The following ANKRD22 variants were observed in gnomAD, a reference collection of about 807,000 sequenced individuals.
ANKRD22 encodes the protein ankyrin repeat domain-containing protein 22.
Under a neutral mutation model 25.7 loss-of-function variants are expected in ANKRD22, and 24 were observed. The observed-to-expected ratio is 0.93, with a 90% confidence interval of 0.68 to 1.31. The LOEUF (loss-of-function observed/expected upper bound fraction) is 1.31. ANKRD22 is among the 50% of genes most tolerant of loss of function. The pLI, the probability that ANKRD22 is intolerant of heterozygous loss-of-function variation, is 0.00. For missense variants in ANKRD22, 214 were observed against 227.1 expected (o/e 0.94, Z 0.37); for synonymous variants, 84 against 84.3 (o/e 1.00, Z 0.02).
At position 88,843,557 on chromosome 10, in the gene ANKRD22, C is replaced by A. The variant is rs150317256; in HGVS notation, c.21+8030G>T. 6.1e-3 allele frequency among the ~76,000 whole-genome samples: 931 copies of A among 152,146 alleles called. 10 individuals carry two copies. Among genetic ancestry groups the A allele is most frequent in the African/African-American group, 0.021 (859 of 41,518 alleles). ...TGTTTACTTTAGTGGCACCAATTAG[C>A]TAAAAAAGGGTGTGGACTTTAGGGT... is the stretch of plus-strand genomic sequence containing the variant. On this transcript the variant is annotated intron_variant, in intron 1 of 5. Coordinates refer to ENST00000371930, the MANE Select transcript of ANKRD22 (RefSeq NM_144590.3).
intron 1 of ANKRD22, among the ~76,000 whole-genome samples, chr10:88,835,130 T>C (rs182803970): frequency 3.9e-4 from 60 of 152,238 alleles, no homozygotes; most frequent in African/African-American, 1.4e-3. Flanking sequence ...AGGAGCTCTC[T>C]GCTTAGGCTT....
chr10:88,846,998 C>G (rs1440158924), intron 1 of ANKRD22, among the ~76,000 whole-genome samples: 1 of 152,134 alleles, frequency 6.6e-6, no homozygotes, highest in Non-Finnish European at 1.5e-5. Flanking sequence ...TGCCAAAGAA[C>G]TACGCATATT....
At chr10:88,850,543 G>T (rs563259798) in intron 1 of ANKRD22, among the ~76,000 whole-genome samples, 1 of 152,140 alleles carries the variant, frequency 6.6e-6, no homozygotes, top group Non-Finnish European at 1.5e-5. Context: ...ACCATAGACT[G>T]AGTGAAACAG....
chr10:88,823,767 G>T (rs533785922), intron 4 of ANKRD22, among the ~76,000 whole-genome samples: 60 of 143,148 alleles, frequency 4.2e-4, no homozygotes, highest in Middle Eastern at 3.8e-3. Flanking sequence ...GGCGGAGCTT[G>T]CAGTGAGCCG....
chr10:88,832,201 G>A (rs1843911010), intron 1 of ANKRD22, among the ~76,000 whole-genome samples, 175 bp from the exon 2 acceptor site: 1 of 152,100 alleles, frequency 6.6e-6, no homozygotes, highest in Non-Finnish European at 1.5e-5. Flanking sequence ...TCTAGATCAA[G>A]AATTAGCCCA....
intron 1 of ANKRD22, among the ~76,000 whole-genome samples, chr10:88,839,177 C>A (rs914476313): frequency 1.3e-5 from 2 of 152,146 alleles, no homozygotes; most frequent in African/African-American, 4.8e-5. Context: ...TAGGCCAGAT[C>A]AAGTATCAGC....
intron 3 of ANKRD22, among the ~76,000 whole-genome samples, chr10:88,826,370 AACCT>A (rs1843856341): frequency 6.6e-6 from 1 of 152,108 alleles, no homozygotes; most frequent in Admixed American, 6.5e-5. Flanking sequence ...TCCCACCCCA[AACCT>A]ACCTAATTCC....
At chr10:88,829,389 TG>T in intron 2 of ANKRD22, among the ~76,000 whole-genome samples, 1 of 152,352 alleles carries the variant, frequency 6.6e-6, no homozygotes, top group Non-Finnish European at 1.5e-5. Context: ...GAACACTTTT[TG>T]TTTTTCTAAT....
intron 4 of ANKRD22, among the ~76,000 whole-genome samples, chr10:88,824,140 A>G (rs551143007): frequency 6.6e-6 from 1 of 152,324 alleles, no homozygotes; most frequent in Non-Finnish European, 1.5e-5. Context: ...CACCTGCAAG[A>G]TCAGTGCAGT....
chr10:88,829,468 A>T (rs1471553900), intron 2 of ANKRD22, among the ~76,000 whole-genome samples: 1 of 152,238 alleles, frequency 6.6e-6, no homozygotes, highest in Non-Finnish European at 1.5e-5. Flanking sequence ...ATAGAATTTT[A>T]AATTGCCCAT....
At chr10:88,823,953 G>A (rs1843829857) in intron 4 of ANKRD22, among the ~76,000 whole-genome samples, 1 of 152,096 alleles carries the variant, frequency 6.6e-6, no homozygotes, top group African/African-American at 2.4e-5. Context: ...TAAAAAAGCT[G>A]ATGCTGAATT....
Position 88,823,017 on chromosome 10 carries a change from T to C in ANKRD22, c.500A>G (p.His167Arg), listed in dbSNP as rs750765704. The C allele has an allele frequency of 6.2e-7, 1 of 1,612,704 alleles. No homozygotes were observed. Among genetic ancestry groups the C allele is most frequent in the Non-Finnish European group, 8.5e-7 (1 of 1,178,898 alleles). The part of the protein sequence containing the change: ...ARADPTIKNK[H>R]GESSLDIARR... ...TGCAATATCCAGTGAGCTCTCACCA[T>C]GCTGAGGGGGGAAAAATATACAGTT... The change falls in exon 6 of 6, where the codon CAT becomes CGT. Residue 167 changes from histidine to arginine, a missense_variant and splice_region_variant. Coordinates refer to ENST00000371930, the MANE Select transcript of ANKRD22 (RefSeq NM_144590.3).
At chr10:88,849,868 T>C (rs554326358) in intron 1 of ANKRD22, among the ~76,000 whole-genome samples, 91 of 152,256 alleles carry the variant, frequency 6.0e-4, no homozygotes, top group African/African-American at 2.2e-3. Flanking sequence ...GGACCAGCTC[T>C]CTGGGATCCT....
rs1338288401 is a variant in ANKRD22, at chr10:88,821,674, G to A, written c.*1267C>T. Among the ~76,000 whole-genome samples, 9 of 152,178 alleles carry A rather than the reference G, an allele frequency of 5.9e-5. No individual in the cohort carries two copies. On this transcript the variant is annotated 3_prime_UTR_variant, in exon 6 of 6. Transcript: ENST00000371930. Reference sequence around the variant, plus strand: ...AGTTTCTTAAATCCTGTACACAGTTGAATATATATTGCTGGATTTGATTTT... The same window carrying A: ...AGTTTCTTAAATCCTGTACACAGTTAAATATATATTGCTGGATTTGATTTT...
At chr10:88,838,272 G>GTACA (rs1380211525) in intron 1 of ANKRD22, among the ~76,000 whole-genome samples, 1 of 152,174 alleles carries the variant, frequency 6.6e-6, no homozygotes, top group African/African-American at 2.4e-5. Context: ...TGAGGGAAGA[G>GTACA]TACAGAAAGT....
chr10:88,849,785 C>T (rs759303820), intron 1 of ANKRD22, among the ~76,000 whole-genome samples: 17 of 152,074 alleles, frequency 1.1e-4, no homozygotes, highest in Non-Finnish European at 1.8e-4. Flanking sequence ...GTCCATCTTA[C>T]GCAGTTGGAG....
At chr10:88,826,832 T>A (rs2133070578) in intron 3 of ANKRD22, among the ~76,000 whole-genome samples, 1 of 152,294 alleles carries the variant, frequency 6.6e-6, no homozygotes, top group East Asian at 1.9e-4. Flanking sequence ...ATTTGATTAA[T>A]GACTCTCCCC....
intron 1 of ANKRD22, among the ~76,000 whole-genome samples, chr10:88,847,695 C>T (rs1844062761): frequency 6.6e-6 from 1 of 151,664 alleles, no homozygotes; most frequent in Admixed American, 6.6e-5. Flanking sequence ...TAAGTATCTG[C>T]AGACCTTTTT....
At chr10:88,824,314 C>T (rs1843833154) in intron 4 of ANKRD22, among the ~76,000 whole-genome samples, 1 of 152,192 alleles carries the variant, frequency 6.6e-6, no homozygotes, top group African/African-American at 2.4e-5. Flanking sequence ...AGCCAAGCAA[C>T]CATGGTGCTG....
Sources: gnomAD v4.1 joint callset for allele counts (sites outside exome capture counted in the v4.1 genomes callset) on GRCh38, gnomAD v4.1.1 for gene constraint, MANE v1.5 for transcripts, NCBI Gene and HGNC (gene_info 2026-07-23, HGNC 2026-07-21) for gene names.